The following TMEM161A variants were observed in gnomAD, a reference collection of about 807,000 sequenced individuals.
TMEM161A encodes the protein adaptive response to oxidative stress protein 29.
A neutral mutation model predicts 57.1 loss-of-function variants in TMEM161A; 46 were observed. The ratio of observed to expected loss-of-function variants is 0.81; its 90% CI spans 0.64 to 1.03. TMEM161A has a LOEUF of 1.03. Ranked by LOEUF, TMEM161A falls within the 50% of genes least tolerant of loss-of-function variation. The probability of loss-of-function intolerance (pLI) is 0.00; values close to 1 mark genes in which losing one functional copy is unlikely to be tolerated. For missense variants in TMEM161A, 601 were observed against 621.5 expected (o/e 0.97, Z 0.35); for synonymous variants, 288 against 279.0 (o/e 1.03, Z -0.32).
intron 5 of TMEM161A, among the ~76,000 whole-genome samples, chr19:19,131,640 C>T (rs891884853): frequency 6.6e-6 from 1 of 152,094 alleles, no homozygotes; most frequent in African/African-American, 2.4e-5. Context: ...ATTCTCCTGC[C>T]TCAGGCTCCT....
rs962024309 is a variant in TMEM161A at position 19,132,008 on chromosome 19, T to C, written c.443+344A>G. 4.6e-5 allele frequency among the ~76,000 whole-genome samples: 7 copies of C among 152,294 alleles called. No individual in the cohort carries two copies. The highest frequency in any genetic ancestry group is 2.1e-4 in the South Asian group (1 of 4,830). ...CAAGGGACCATATCTTTCTTGGCCC[T>C]GATTGTGGACTGGCCTGGTGATTTC... On this transcript the variant is annotated intron_variant, in intron 5 of 11. Transcript: ENST00000162044. The surrounding 1 kb of genome is among the most constrained non-coding windows in gnomAD (Gnocchi z 4.3).
At chr19:19,134,983 G>T in intron 1 of TMEM161A, 96 bp from the exon 2 acceptor site, 1 of 871,500 alleles carries the variant, frequency 1.1e-6, no homozygotes, top group Non-Finnish European at 1.8e-6. Context: ...AGTCAGGCTG[G>T]ATGGGGGAAG....
In TMEM161A at chr19:19,134,773, G is replaced by T. The variant is rs762190265; in HGVS notation, c.107+11C>A. 1 of 1,553,046 alleles carries T rather than the reference G, an allele frequency of 6.4e-7. No homozygotes were observed. The highest frequency in any genetic ancestry group is 1.2e-5 in the South Asian group (1 of 84,472). ...TCCGCGGGCCCCTCCCACCGCCGGG[G>T]CGGGGCTCACCTGCCGTTACAGAGC... On this transcript the variant is annotated intron_variant, in intron 2 of 11. Coordinates refer to ENST00000162044, the MANE Select transcript of TMEM161A (RefSeq NM_017814.3).
intron 6 of TMEM161A, among the ~76,000 whole-genome samples, chr19:19,129,287 A>G (rs1350393592): frequency 6.6e-6 from 1 of 152,180 alleles, no homozygotes; most frequent in Non-Finnish European, 1.5e-5. Flanking sequence ...TATATCAAAC[A>G]TATATAATTT....
At position 19,119,643 on chromosome 19, in the gene TMEM161A, T is replaced by G; in HGVS notation, c.*287A>C. On this transcript the variant is annotated 3_prime_UTR_variant, in exon 12 of 12. Coordinates refer to ENST00000162044, the MANE Select transcript of TMEM161A (RefSeq NM_017814.3). ...TTGTAAAAATCGGCATGCTCCTTTA[T>G]TTGTTCAGAAGAGCAGCCAGCATCA... The G allele has an allele frequency of 2.2e-6, 1 of 458,602 alleles. No homozygotes were observed. The highest frequency in any genetic ancestry group is 4.0e-6 in the Non-Finnish European group (1 of 249,714). The allele number at this position is 458,602 out of a possible 1,614,324, so 28.4% of individuals were successfully genotyped here.
chr19:19,120,753 G>A lies in TMEM161A; in HGVS notation c.1186+12C>T, dbSNP rs1223145580. On this transcript the variant is annotated intron_variant, in intron 11 of 11. Transcript: ENST00000162044. The stretch of plus-strand genomic sequence containing the variant: ...TCCGCCCCTCCTCCACCCCCACACC[G>A]CGGCATCTCACCCAGCGTCTTGAGC... The A allele has an allele frequency of 1.3e-6, 2 of 1,518,674 alleles. No individual in the cohort carries two copies. Among genetic ancestry groups the A allele is most frequent in the South Asian group, 1.1e-5 (1 of 89,144 alleles). The allele number at this position is 1,518,674 out of a possible 1,614,324, so 94.1% of individuals were successfully genotyped here.
chr19:19,130,399 C>T lies in TMEM161A; in HGVS notation c.444-92G>A, dbSNP rs1022696478. On this transcript the variant is annotated intron_variant, in intron 5 of 11. Transcript: ENST00000162044. ...TCTGGGACCCCAGAACTCCAGGGAA[C>T]AAGCACTGCTGCACAAATAGGCCTT... 11 of 1,514,418 alleles carry T rather than the reference C, an allele frequency of 7.3e-6. No individual in the cohort carries two copies. The Admixed American group carries it at 1.4e-4, about 19-fold the overall frequency. The allele number at this position is 1,514,418 out of a possible 1,614,324, so 93.8% of individuals were successfully genotyped here. A position where few individuals can be genotyped will look rare whatever the true frequency, so the allele number is the denominator to read the frequency against.
At chr19:19,131,201 CAAGAGT>C (rs763703937) in intron 5 of TMEM161A, among the ~76,000 whole-genome samples, 2 of 152,064 alleles carry the variant, frequency 1.3e-5, no homozygotes, top group Non-Finnish European at 2.9e-5. Context: ...GCCTGGGCAA[CAAGAGT>C]AAAACTCCAT....
chr19:19,132,423 G>T lies in TMEM161A; in HGVS notation c.372C>A (p.Tyr124Ter). 6.2e-7 allele frequency: 1 copy of T among 1,614,158 alleles called. No homozygotes were observed. The highest frequency in any genetic ancestry group is 8.5e-7 in the Non-Finnish European group (1 of 1,180,018). Reference protein sequence around the residue: ...GGVYLFTEAYYYMLGPAKETN... With the variant: ...GGVYLFTEAY The stretch of plus-strand genomic sequence containing the variant: ...TCTCCTTGGCTGGTCCCAGCATGTA[G>T]TAGTAGGCCTCTGTGAAGAGGTACA... The change falls in exon 5 of 12, where the codon TAC becomes TAA. Residue 124 changes from tyrosine (Y) to a stop codon, truncating the protein, a stop_gained. Transcript: ENST00000162044. LOFTEE classifies it high-confidence loss of function. This position sits in a 1 kb window ranked among gnomAD's most constrained non-coding sequence, Gnocchi z 4.3.
intron 5 of TMEM161A, among the ~76,000 whole-genome samples, chr19:19,131,778 G>A (rs1200037430): frequency 1.3e-5 from 2 of 151,102 alleles, no homozygotes; most frequent in Non-Finnish European, 3.0e-5. Flanking sequence ...CACCTGCCTC[G>A]GCCTCCCAAA....
At chr19:19,134,669 TC>T (rs1260680443) in intron 2 of TMEM161A, 114 bp downstream of exon 2, 72 of 691,040 alleles carry the variant, frequency 1.0e-4, no homozygotes, top group Non-Finnish European at 7.3e-6. Context: ...ACAACGTTTT[TC>T]CCCCCACCAC....
intron 11 of TMEM161A, 145 bp downstream of exon 11, chr19:19,120,620 G>C (rs537715935): frequency 1.3e-6 from 1 of 751,738 alleles, no homozygotes; most frequent in South Asian, 1.7e-5. Flanking sequence ...TCCGCTTCCT[G>C]CTCAGACCCT....
intron 6 of TMEM161A, among the ~76,000 whole-genome samples, chr19:19,129,584 A>AAAAT (rs924383126): frequency 6.6e-6 from 1 of 152,052 alleles, no homozygotes; most frequent in African/African-American, 2.4e-5. Context: ...TGTTTCAATA[A>AAAAT]AAATAAATAA....
At chr19:19,129,216 A>T (rs909528174) in intron 6 of TMEM161A, among the ~76,000 whole-genome samples, 1 of 152,184 alleles carries the variant, frequency 6.6e-6, no homozygotes, top group Non-Finnish European at 1.5e-5. Flanking sequence ...TTTGAGGGGT[A>T]GGTTTGCAGG....
chr19:19,128,163 A>G (rs1350248899), intron 6 of TMEM161A, among the ~76,000 whole-genome samples: 3 of 151,326 alleles, frequency 2.0e-5, no homozygotes, highest in African/African-American at 7.3e-5. Context: ...CTGGAGTTTC[A>G]GTTTTGCAAG....
intron 5 of TMEM161A, among the ~76,000 whole-genome samples, chr19:19,130,788 G>A (rs552134617): frequency 3.3e-5 from 5 of 151,964 alleles, no homozygotes; most frequent in East Asian, 3.9e-4. Context: ...AAATAATTTT[G>A]TGGTAGCCCC....
In TMEM161A at chr19:19,132,623, G is replaced by T; in HGVS notation, c.286+34C>A. ...GGGTGTGGAGACCTTCAGGGCTGAGGGAGTAGAGTTTAGGGATGGGACTGG... is the reference window on the plus strand; with the variant it reads ...GGGTGTGGAGACCTTCAGGGCTGAGTGAGTAGAGTTTAGGGATGGGACTGG... On this transcript the variant is annotated intron_variant, in intron 4 of 11. Coordinates refer to ENST00000162044, the MANE Select transcript of TMEM161A (RefSeq NM_017814.3). The surrounding 1 kb of genome is among the most constrained non-coding windows in gnomAD (Gnocchi z 4.3). 6.4e-7 allele frequency: 1 copy of T among 1,555,980 alleles called. No individual in the cohort carries two copies. Among genetic ancestry groups the T allele is most frequent in the Non-Finnish European group, 8.7e-7 (1 of 1,149,692 alleles).
intron 6 of TMEM161A, 102 bp downstream of exon 6, chr19:19,130,054 C>A: frequency 7.1e-7 from 1 of 1,403,340 alleles, no homozygotes; most frequent in Non-Finnish European, 9.7e-7. Context: ...GAGCCCACTC[C>A]TTTGCCTACT....
rs190655745 is a variant in TMEM161A at position 19,127,529 on chromosome 19, A to C, written c.595+2627T>G. Among the ~76,000 whole-genome samples the C allele has an allele frequency of 4.6e-5, 7 of 152,002 alleles. No individual in the cohort carries two copies. The South Asian group carries it at 1.5e-3, about 32-fold the overall frequency. On this transcript the variant is annotated intron_variant, in intron 6 of 11. Coordinates refer to ENST00000162044, the MANE Select transcript of TMEM161A (RefSeq NM_017814.3). The stretch of plus-strand genomic sequence containing the variant: ...AGTAGAGACGGAGTTTCACCATGTT[A>C]GCCAGGATGGTCTCGATCTCCTGAC...
Sources: gnomAD v4.1 joint callset for allele counts (sites outside exome capture counted in the v4.1 genomes callset) on GRCh38, gnomAD v4.1.1 for gene constraint, Gnocchi (gnomAD v3.1) non-coding constraint, MANE v1.5 for transcripts, NCBI Gene and HGNC (gene_info 2026-07-23, HGNC 2026-07-21) for gene names.